The following SLC10A4 variants were observed in gnomAD, a reference collection of about 807,000 sequenced individuals.
The protein encoded by SLC10A4 is putative sodium/bile acid cotransporter 4.
SLC10A4 carries 17 observed loss-of-function variants against 22.5 expected under a neutral mutation model. The observed-to-expected ratio is 0.76, with a 90% confidence interval of 0.52 to 1.14. SLC10A4 has a LOEUF of 1.14. Ranked by LOEUF, SLC10A4 falls within the 50% of genes most tolerant of loss-of-function variation. The pLI, the probability that SLC10A4 is intolerant of heterozygous loss-of-function variation, is 0.00. For synonymous variants in SLC10A4, 257 were observed against 258.2 expected (o/e 1.00, Z 0.04); for missense variants, 548 against 584.0 (o/e 0.94, Z 0.64).
At chr4:48,484,863 C>T (rs895643924) in intron 1 of SLC10A4, 69 bp from the exon 2 acceptor site, 5 of 1,470,130 alleles carry the variant, frequency 3.4e-6, no homozygotes, top group Non-Finnish European at 4.7e-6. Context: ...ACTCAACATA[C>T]AAGAAAAAGG....
rs1202099592 is a variant in SLC10A4 at position 48,488,608 on chromosome 4, GCAAGAGGACTGTA to G, written c.984_996del (p.Lys329ValfsTer16). On this transcript the variant is annotated frameshift_variant, in exon 3 of 3. Coordinates refer to ENST00000273861, the MANE Select transcript of SLC10A4 (RefSeq NM_152679.4). LOFTEE classifies it high-confidence loss of function. ...ACTCTCTTCCATCTTCCACCCAACT[GCAAGAGGACTGTA>G]TGTCTGGAAACAGGTAGTCAGAATG... 6.2e-7 allele frequency: 1 copy of G among 1,614,050 alleles called. No homozygotes were observed. Among genetic ancestry groups the G allele is most frequent in the Admixed American group, 1.7e-5 (1 of 60,020 alleles).
rs764652339 is a variant in SLC10A4, at chr4:48,484,125, G to T, written c.564G>T (p.Leu188=). 2 of 1,585,830 alleles carry T rather than the reference G, an allele frequency of 1.3e-6. No individual in the cohort carries two copies. Among genetic ancestry groups the T allele is most frequent in the Non-Finnish European group, 8.6e-7 (1 of 1,163,388 alleles). The change falls in exon 1 of 3, where the codon CTG becomes CTT. Residue 188 remains leucine, a synonymous_variant. Coordinates refer to ENST00000273861, the MANE Select transcript of SLC10A4 (RefSeq NM_152679.4). ...GCAATCTCTCCAATCTTATGTCCCT[G>T]CTGGTTGACGGCGACATGAACCTCA... The part of the protein sequence containing the change: ...PGGNLSNLMS[L]LVDGDMNLSI...
chr4:48,485,478 A>G (rs1333854995), intron 2 of SLC10A4, among the ~76,000 whole-genome samples: 1 of 148,068 alleles, frequency 6.8e-6, no homozygotes, highest in Admixed American at 6.7e-5. Flanking sequence ...ATAATTAAAC[A>G]TAAAAGCAGA....
chr4:48,484,900 G>A (rs1718252789), intron 1 of SLC10A4, 32 bp from the exon 2 acceptor site: 4 of 1,595,976 alleles, frequency 2.5e-6, no homozygotes, highest in South Asian at 1.1e-5. Flanking sequence ...CTCAAAGCTC[G>A]TTCTGATTTC....
rs1280936862 is a variant in SLC10A4, at chr4:48,485,122, G to C, written c.781G>C (p.Val261Leu). 6.2e-7 allele frequency: 1 copy of C among 1,614,084 alleles called. No individual in the cohort carries two copies. Among genetic ancestry groups the C allele is most frequent in the Non-Finnish European group, 8.5e-7 (1 of 1,180,006 alleles). Residue 261 changes from valine (V) to leucine (L), a missense_variant, in exon 2 of 3, where the codon GTG (valine) becomes CTG (leucine). Val to Leu is a conservative substitution (Grantham distance 32). Around this residue, in one of 3 missense-constraint regions of SLC10A4, gnomAD observed 314 missense variants for 353.2 expected, o/e 0.89. Transcript: ENST00000273861. ...GVFIRYKYSR[V>L]ADYIVKVSLW... ...CTTCATTCGCTACAAATACAGCCGGGTGGCTGACTACATTGTGAAGGTAAG... is the reference window on the plus strand; with the variant it reads ...CTTCATTCGCTACAAATACAGCCGGCTGGCTGACTACATTGTGAAGGTAAG...
chr4:48,485,240 GA>G, intron 2 of SLC10A4, 98 bp downstream of exon 2: 1 of 1,291,740 alleles, frequency 7.7e-7, no homozygotes, highest in Non-Finnish European at 1.1e-6. Flanking sequence ...CGGAAAGGAA[GA>G]AAAGGACTTG....
At chr4:48,484,367 T>C (rs1718241405) in intron 1 of SLC10A4, among the ~76,000 whole-genome samples, 1 of 152,200 alleles carries the variant, frequency 6.6e-6, no homozygotes, top group South Asian at 2.1e-4. Flanking sequence ...GCGAGGGAGC[T>C]GCTCCAAGGC....
At chr4:48,486,000 C>T (rs773534543) in intron 2 of SLC10A4, among the ~76,000 whole-genome samples, 1 of 152,100 alleles carries the variant, frequency 6.6e-6, no homozygotes, top group Non-Finnish European at 1.5e-5. Context: ...AAAGAATAAA[C>T]CATGACCAGG....
chr4:48,484,425 C>T (rs1212327029), intron 1 of SLC10A4, among the ~76,000 whole-genome samples: 3 of 152,254 alleles, frequency 2.0e-5, no homozygotes, highest in Non-Finnish European at 2.9e-5. Flanking sequence ...CCTCGCCGTC[C>T]TCCCCGAGCG....
rs2148671985 is a variant in SLC10A4, at chr4:48,484,968, C to T, written c.627C>T (p.Leu209=). The change falls in exon 2 of 3, where the codon CTC becomes CTT. Residue 209 remains leucine, a synonymous_variant. Coordinates refer to ENST00000273861, the MANE Select transcript of SLC10A4 (RefSeq NM_152679.4). ...CCATCTCCTCCACGCTTCTGGCCCT[C>T]GTCTTGATGCCCCTGTGCCTGTGGA... ...IMTISSTLLA[L]VLMPLCLWIY... is the part of the protein sequence containing the mutation. 6 of 1,614,092 alleles carry T rather than the reference C, an allele frequency of 3.7e-6. No homozygotes were observed. The highest frequency in any genetic ancestry group is 5.1e-6 in the Non-Finnish European group (6 of 1,179,994).
Position 48,488,444 on chromosome 4 carries a change from G to A in SLC10A4, c.819G>A (p.Leu273=), listed in dbSNP as rs1481937233. ...DYIVKVSLWS[L]LVTLVVLFIM... ...ATTACTAGGTTTCCCTGTGGTCTCT[G>A]CTAGTGACTCTGGTGGTCCTTTTCA... The change falls in exon 3 of 3, where the codon CTG becomes CTA. Residue 273 remains leucine (L), a synonymous_variant. Transcript: ENST00000273861. 6.2e-7 allele frequency: 1 copy of A among 1,606,814 alleles called. No homozygotes were observed. The highest frequency in any genetic ancestry group is 1.3e-5 in the African/African-American group (1 of 74,450).
At position 48,484,047 on chromosome 4, in the gene SLC10A4, G is replaced by C. The variant is rs756154796; in HGVS notation, c.486G>C (p.Lys162Asn). The change falls in exon 1 of 3, where the codon AAG becomes AAC. Residue 162 changes from lysine (K) to asparagine (N), a missense_variant. By Grantham distance (94) the Lys-to-Asn change is moderately conservative. This residue lies in a region of SLC10A4 where 314 missense variants were observed against 353.2 expected (regional missense o/e 0.89). Transcript: ENST00000273861. Reference sequence around the variant, plus strand: ...CCTTCCTGCTGGCCCTCGCCTTCAAGCTGGACGAGGTGGCCGCCGTGGCGG... The same window carrying C: ...CCTTCCTGCTGGCCCTCGCCTTCAACCTGGACGAGGTGGCCGCCGTGGCGG... ...LLAFLLALAF[K>N]LDEVAAVAVL... The C allele has an allele frequency of 4.4e-6, 7 of 1,601,986 alleles. No individual in the cohort carries two copies. The South Asian group carries it at 5.5e-5, about 13-fold the overall frequency.
intron 2 of SLC10A4, among the ~76,000 whole-genome samples, chr4:48,488,094 G>A (rs1418062797): frequency 6.6e-6 from 1 of 151,278 alleles, no homozygotes; most frequent in African/African-American, 2.4e-5. Flanking sequence ...GAGCCACCGC[G>A]CCTGGCCAGA....
At chr4:48,487,090 A>G (rs1054507962) in intron 2 of SLC10A4, among the ~76,000 whole-genome samples, 2 of 152,164 alleles carry the variant, frequency 1.3e-5, no homozygotes, top group African/African-American at 2.4e-5. Context: ...GAGGAGAGGA[A>G]TTTTTAGATT....
chr4:48,483,792 G>A lies in SLC10A4; in HGVS notation c.231G>A (p.Ala77=). The A allele has an allele frequency of 6.7e-7, 1 of 1,503,546 alleles. No homozygotes were observed. Among genetic ancestry groups the A allele is most frequent in the Non-Finnish European group, 8.8e-7 (1 of 1,133,276 alleles). 93.1% of individuals were successfully genotyped at this position (1,503,546 alleles called of 1,614,324 possible). A position where few individuals can be genotyped will look rare whatever the true frequency, so the allele number is the denominator to read the frequency against. Residue 77 remains alanine (A), a synonymous_variant, in exon 1 of 3, where the codon GCG becomes GCA. Transcript: ENST00000273861. This position sits in a 1 kb window ranked among gnomAD's most constrained non-coding sequence, Gnocchi z 5.4. ...CGACCAGCGGCCTCGCGGGCGGCGC[G>A]GCGAGCCACGGCCCTTCCCCGTTCC... ...EPTTSGLAGG[A]ASHGPSPFPR...
Position 48,489,190 on chromosome 4 carries a change from TC to T in SLC10A4, c.*252del, listed in dbSNP as rs1405997824. 1.4e-5 allele frequency: 5 copies of T among 365,212 alleles called. No homozygotes were observed. The highest frequency in any genetic ancestry group is 2.4e-5 in the Non-Finnish European group (5 of 205,372). 22.6% of individuals were successfully genotyped at this position (365,212 alleles called of 1,614,324 possible). A position where few individuals can be genotyped will look rare whatever the true frequency, so the allele number is the denominator to read the frequency against. On this transcript the variant is annotated 3_prime_UTR_variant, in exon 3 of 3. Transcript: ENST00000273861. ...TAAATGTGGTTTTTAGTTTTTACCA[TC>T]ACCAATTTCTATGACTGTTGCAAAT...
At position 48,483,774 on chromosome 4, in the gene SLC10A4, C is replaced by A. The variant is rs1243374091; in HGVS notation, c.213C>A (p.Ser71Arg). 1 of 1,489,146 alleles carries A rather than the reference C, an allele frequency of 6.7e-7. No individual in the cohort carries two copies. The highest frequency in any genetic ancestry group is 2.2e-5 in the Admixed American group (1 of 46,490). 92.2% of individuals were successfully genotyped at this position (1,489,146 alleles called of 1,614,324 possible). A position where few individuals can be genotyped will look rare whatever the true frequency, so the allele number is the denominator to read the frequency against. Residue 71 changes from serine (S) to arginine (R), a missense_variant, in exon 1 of 3, where the codon AGC becomes AGA. Transcript: ENST00000273861. The surrounding 1 kb of genome is among the most constrained non-coding windows in gnomAD (Gnocchi z 5.4). ...GPTPTPEPTTSGLAGGAASHG... is the reference protein window; with the variant it reads ...GPTPTPEPTTRGLAGGAASHG... ...CTCCGACCCCGGAGCCCACGACCAGCGGCCTCGCGGGCGGCGCGGCGAGCC... is the reference window on the plus strand; with the variant it reads ...CTCCGACCCCGGAGCCCACGACCAGAGGCCTCGCGGGCGGCGCGGCGAGCC...
chr4:48,489,048 A>C lies in SLC10A4; in HGVS notation c.*109A>C. 2.4e-6 allele frequency: 3 copies of C among 1,261,894 alleles called. No individual in the cohort carries two copies. The highest frequency in any genetic ancestry group is 1.5e-5 in the South Asian group (1 of 64,534). The allele number at this position is 1,261,894 out of a possible 1,614,324, so 78.2% of individuals were successfully genotyped here. ...AAGATAACACTGGTTCACATCATAC[A>C]TGTAACAATTCTGATCTTTTTAAGG... On this transcript the variant is annotated 3_prime_UTR_variant, in exon 3 of 3. Transcript: ENST00000273861.
At chr4:48,484,532 C>T (rs968342072) in intron 1 of SLC10A4, among the ~76,000 whole-genome samples, 1 of 152,234 alleles carries the variant, frequency 6.6e-6, no homozygotes, top group Non-Finnish European at 1.5e-5. Flanking sequence ...AATAGGGCTA[C>T]TGGCCCGTCA....
Sources: allele counts gnomAD v4.1 joint callset (sites outside exome capture counted in the v4.1 genomes callset), GRCh38; gene constraint gnomAD v4.1.1; regional missense constraint gnomAD v4.1.1; non-coding constraint Gnocchi (gnomAD v3.1); transcripts MANE v1.5; gene names NCBI Gene and HGNC (gene_info 2026-07-23, HGNC 2026-07-21).